The following AK8 variants were observed in gnomAD, a reference collection of about 807,000 sequenced individuals.
AK8 encodes the protein ATP-AMP transphosphorylase 8.
Under a neutral mutation model 54.6 loss-of-function variants are expected in AK8, and 44 were observed. The observed-to-expected ratio is 0.81, with a 90% CI of 0.63 to 1.04. The LOEUF (loss-of-function observed/expected upper bound fraction) is 1.04. Among genes scored for constraint, AK8 ranks in the 50% least tolerant of loss-of-function variants. The probability of loss-of-function intolerance (pLI) is 0.00; values close to 1 mark genes in which losing one functional copy is unlikely to be tolerated. For missense variants in AK8, 555 were observed against 613.6 expected (o/e 0.90, Z 1.01); for synonymous variants, 239 against 245.6 (o/e 0.97, Z 0.25).
chr9:132,808,184 G>T (rs1006505659), intron 10 of AK8, among the ~76,000 whole-genome samples: 26 of 152,204 alleles, frequency 1.7e-4, no homozygotes, highest in Admixed American at 1.5e-3. Context: ...AACTAAGGCT[G>T]CATGATTTAA....
Position 132,826,984 on chromosome 9 carries a change from G to A in AK8, c.627C>T (p.Asp209=), listed in dbSNP as rs1841897680. 2 of 1,614,234 alleles carry A rather than the reference G, an allele frequency of 1.2e-6. No homozygotes were observed. The highest frequency in any genetic ancestry group is 1.6e-4 in the Middle Eastern group (1 of 6,062). Residue 209 remains aspartate (D), a synonymous_variant, in exon 8 of 13, where the codon GAC becomes GAT. Transcript: ENST00000298545. The surrounding 1 kb of genome is among the most constrained non-coding windows in gnomAD (Gnocchi z 4.5). ...TCTGAGCCGTCTCCAGCTCTGAGAT[G>A]TCCTCTGGCACCATGAGACGGTTCT... ...EIQNRLMVPE[D]ISELETAQKL...
At chr9:132,805,189 G>A (rs215163) in intron 10 of AK8, among the ~76,000 whole-genome samples, 31,007 of 152,162 alleles carry the variant, frequency 0.2, 3,455 homozygotes, top group East Asian at 0.43. Flanking sequence ...GGCTGCCCAC[G>A]GAGAGGGAAA....
chr9:132,804,222 T>C (rs1305595626), intron 10 of AK8, among the ~76,000 whole-genome samples: 2 of 151,876 alleles, frequency 1.3e-5, no homozygotes, highest in East Asian at 3.9e-4. Flanking sequence ...GGCCCTGGGA[T>C]TGTCCACACC....
chr9:132,727,420 C>A, intron 12 of AK8, 34 bp downstream of exon 12: 1 of 1,600,598 alleles, frequency 6.2e-7, no homozygotes, highest in Non-Finnish European at 8.6e-7. Flanking sequence ...CTGGCAGTCC[C>A]CAGACTGCCA....
chr9:132,740,232 A>G lies in AK8; in HGVS notation c.1122-12698T>C, dbSNP rs192651771. Among the ~76,000 whole-genome samples, 184 of 152,366 alleles carry G rather than the reference A, an allele frequency of 1.2e-3. 2 individuals are homozygous for G. Among genetic ancestry groups the G allele is most frequent in the African/African-American group, 3.3e-3 (136 of 41,588 alleles). ...CCACTTTTTATCAGGCACTGTGTTT[A>G]AAGCCAGGTGATGTAAATGTCTGGT... On this transcript the variant is annotated intron_variant, in intron 11 of 12. Coordinates refer to ENST00000298545, the MANE Select transcript of AK8 (RefSeq NM_152572.3).
At chr9:132,838,502 C>A (rs1455158184) in intron 5 of AK8, among the ~76,000 whole-genome samples, 1 of 152,156 alleles carries the variant, frequency 6.6e-6, no homozygotes, top group African/African-American at 2.4e-5. Flanking sequence ...GCATCAGAGA[C>A]CTGACTCCAG....
chr9:132,753,121 C>G (rs1322749711), intron 11 of AK8, among the ~76,000 whole-genome samples: 1 of 152,224 alleles, frequency 6.6e-6, no homozygotes, highest in Non-Finnish European at 1.5e-5. Flanking sequence ...TCATTCTACA[C>G]TGGGGAATCA....
chr9:132,866,224 C>A (rs974025956), intron 3 of AK8, among the ~76,000 whole-genome samples: 8 of 152,088 alleles, frequency 5.3e-5, no homozygotes, highest in Non-Finnish European at 1.0e-4. Flanking sequence ...CCTTAAAGAT[C>A]GAAGCCACAG....
chr9:132,725,790 C>T lies in AK8; in HGVS notation c.1338G>A (p.Leu446=), dbSNP rs536070571. 1.2e-6 allele frequency: 2 copies of T among 1,604,068 alleles called. No homozygotes were observed. Among genetic ancestry groups the T allele is most frequent in the African/African-American group, 2.7e-5 (2 of 74,966 alleles). ...CATTGAGGGTGATGGCCGACCCATA[C>T]AACTGCTCCAAGTCAGCTGAGTTCC... The part of the protein sequence containing the change: ...FYRNSADLEQ[L]YGSAITLNGD... Residue 446 remains leucine (L), a synonymous_variant, in exon 13 of 13, where the codon TTG becomes TTA. Coordinates refer to ENST00000298545, the MANE Select transcript of AK8 (RefSeq NM_152572.3).
chr9:132,725,828 C>T lies in AK8; in HGVS notation c.1300G>A (p.Asp434Asn). ...TCAGCTGAGTTCCTGTAGAACAGGT[C>T]CATTTTCAGCTTGACCTGCTCTTCA... ...DAEEQVKLKM[D>N]LFYRNSADLE... The change falls in exon 13 of 13, where the codon GAC becomes AAC. Residue 434 changes from aspartate to asparagine, a missense_variant. Asp to Asn is a conservative substitution (Grantham distance 23). Transcript: ENST00000298545. 1 of 1,607,822 alleles carries T rather than the reference C, an allele frequency of 6.2e-7. No homozygotes were observed. The highest frequency in any genetic ancestry group is 8.5e-7 in the Non-Finnish European group (1 of 1,177,616).
chr9:132,748,851 C>T (rs1837773323), intron 11 of AK8, among the ~76,000 whole-genome samples: 1 of 151,854 alleles, frequency 6.6e-6, no homozygotes, highest in Non-Finnish European at 1.5e-5. Flanking sequence ...GATAATTTTT[C>T]TGATGAAGTG....
At chr9:132,874,067 C>T (rs961711497) in intron 2 of AK8, among the ~76,000 whole-genome samples, 2 of 152,216 alleles carry the variant, frequency 1.3e-5, no homozygotes, top group Admixed American at 6.5e-5. Flanking sequence ...GCATATAGGA[C>T]GCTCAGTCAA....
chr9:132,831,604 T>C (rs2131316657), intron 5 of AK8, among the ~76,000 whole-genome samples: 1 of 152,362 alleles, frequency 6.6e-6, no homozygotes, highest in East Asian at 1.9e-4. Context: ...CCGCTTGCTG[T>C]AGAGCCCTCC....
chr9:132,773,832 C>T (rs531177359), intron 11 of AK8, among the ~76,000 whole-genome samples: 1 of 152,244 alleles, frequency 6.6e-6, no homozygotes, highest in Non-Finnish European at 1.5e-5. Context: ...GGGAGGCTTC[C>T]TGGAGCAGGT....
chr9:132,744,842 T>C (rs1259296887), intron 11 of AK8, among the ~76,000 whole-genome samples: 1 of 152,204 alleles, frequency 6.6e-6, no homozygotes, highest in Non-Finnish European at 1.5e-5. Context: ...GAAATATTCA[T>C]GGGGACAGAG....
rs548956427 is a variant in AK8, at chr9:132,735,219, G to A, written c.1122-7685C>T. Among the ~76,000 whole-genome samples the A allele has an allele frequency of 2.5e-4, 38 of 152,188 alleles. 1 individual carries two copies. The South Asian group carries it at 6.6e-3, about 27-fold the overall frequency. ...GGATCCCCTGACCCACCCTGGTAACGCCCACTCTAGCCACACTGCCTGAGA... is the reference window on the plus strand; with the variant it reads ...GGATCCCCTGACCCACCCTGGTAACACCCACTCTAGCCACACTGCCTGAGA... On this transcript the variant is annotated intron_variant, in intron 11 of 12. Transcript: ENST00000298545.
intron 11 of AK8, among the ~76,000 whole-genome samples, chr9:132,763,784 CTTAA>C (rs1193568866): frequency 6.6e-6 from 1 of 152,188 alleles, no homozygotes; most frequent in Non-Finnish European, 1.5e-5. Context: ...TTGTTCTTTG[CTTAA>C]TTAAAGTCTG....
chr9:132,744,816 T>G (rs983147365), intron 11 of AK8, among the ~76,000 whole-genome samples: 1 of 152,180 alleles, frequency 6.6e-6, no homozygotes, highest in African/African-American at 2.4e-5. Context: ...GAATTAATAT[T>G]TATGCTGCCC....
At chr9:132,751,904 G>C (rs537231846) in intron 11 of AK8, among the ~76,000 whole-genome samples, 1 of 151,670 alleles carries the variant, frequency 6.6e-6, no homozygotes, top group African/African-American at 2.4e-5. Flanking sequence ...GCAGTGGCGC[G>C]ATCTGGGCTC....
Sources: gnomAD v4.1 joint callset for allele counts (sites outside exome capture counted in the v4.1 genomes callset) on GRCh38, gnomAD v4.1.1 for gene constraint, Gnocchi (gnomAD v3.1) non-coding constraint, MANE v1.5 for transcripts, NCBI Gene and HGNC (gene_info 2026-07-23, HGNC 2026-07-21) for gene names.